Variants in ERBB4 observed in about 807,000 individuals in gnomAD.
ERBB4 encodes the protein erb-b2 receptor tyrosine kinase 4, also known as receptor tyrosine-protein kinase erbB-4.
A neutral mutation model predicts 158.0 loss-of-function variants in ERBB4; 42 were observed. The observed-to-expected ratio is 0.27, with a 90% CI of 0.21 to 0.34. The LOEUF is 0.34. Among genes scored for constraint, ERBB4 ranks in the 10% least tolerant of loss-of-function variants. The pLI, the probability that ERBB4 is intolerant of heterozygous loss-of-function variation, is 1.00. For missense variants in ERBB4, 1,333 were observed against 1,624.1 expected (o/e 0.82, Z 3.08); for synonymous variants, 583 against 558.7 (o/e 1.04, Z -0.61).
chr2:211,900,478 T>A (rs1375898283), intron 3 of ERBB4, among the ~76,000 whole-genome samples: 1 of 151,296 alleles, frequency 6.6e-6, no homozygotes, highest in Non-Finnish European at 1.5e-5. Context: ...AGTACAAACC[T>A]AGAAAAAAAA....
intron 1 of ERBB4, among the ~76,000 whole-genome samples, chr2:212,513,768 C>T (rs972442761): frequency 4.0e-5 from 6 of 151,624 alleles, no homozygotes; most frequent in Admixed American, 6.6e-5. Flanking sequence ...GCCAAGATCC[C>T]GCCACTGCAC....
chr2:212,418,965 A>G (rs2091725713), intron 1 of ERBB4, among the ~76,000 whole-genome samples: 1 of 151,978 alleles, frequency 6.6e-6, no homozygotes, highest in Non-Finnish European at 1.5e-5. Flanking sequence ...AAAGCTTCAA[A>G]GAAGCAGAGC....
chr2:212,166,032 G>T (rs2081336798), intron 1 of ERBB4, among the ~76,000 whole-genome samples: 3 of 151,642 alleles, frequency 2.0e-5, no homozygotes, highest in Non-Finnish European at 2.9e-5. Flanking sequence ...ATTTTAGAAA[G>T]TTGTGCTCTG....
At chr2:211,465,150 TTACA>T (rs1186396147) in intron 20 of ERBB4, among the ~76,000 whole-genome samples, 1 of 151,988 alleles carries the variant, frequency 6.6e-6, no homozygotes, top group Non-Finnish European at 1.5e-5. Context: ...CCCAGCGAGC[TTACA>T]TTCTTGAAAG....
At chr2:212,523,923 G>C (rs1379130407) in intron 1 of ERBB4, among the ~76,000 whole-genome samples, 1 of 151,940 alleles carries the variant, frequency 6.6e-6, no homozygotes, top group Non-Finnish European at 1.5e-5. Context: ...GAAACTCCTT[G>C]ATGGTGTTTA....
intron 1 of ERBB4, among the ~76,000 whole-genome samples, chr2:212,238,533 T>C (rs1197538116): frequency 2.0e-5 from 3 of 152,210 alleles, no homozygotes; most frequent in African/African-American, 4.8e-5. Flanking sequence ...GCCATCTTGC[T>C]AGCCACCTGC....
At chr2:211,865,792 T>A (rs2078190217) in intron 3 of ERBB4, among the ~76,000 whole-genome samples, 1 of 152,154 alleles carries the variant, frequency 6.6e-6, no homozygotes. Flanking sequence ...TAACCACAAG[T>A]CGTGCCAGTT....
chr2:212,281,899 G>A (rs758589682), intron 1 of ERBB4, among the ~76,000 whole-genome samples: 1 of 151,672 alleles, frequency 6.6e-6, no homozygotes, highest in Non-Finnish European at 1.5e-5. Flanking sequence ...AAAATCAATT[G>A]TCTAACCCAG....
At chr2:212,327,709 C>CT (rs1189950362) in intron 1 of ERBB4, among the ~76,000 whole-genome samples, 129 of 128,730 alleles carry the variant, frequency 1.0e-3, no homozygotes, top group East Asian at 4.6e-3. Flanking sequence ...TTTAACGATT[C>CT]TTTTTTTTTT....
chr2:211,500,466 T>C (rs1412279785), intron 20 of ERBB4, among the ~76,000 whole-genome samples: 1 of 152,112 alleles, frequency 6.6e-6, no homozygotes, highest in Non-Finnish European at 1.5e-5. Context: ...CTTTCATGTA[T>C]TAATAGGTTT....
chr2:211,513,344 CG>C (rs1228373490), intron 20 of ERBB4, among the ~76,000 whole-genome samples: 1 of 115,248 alleles, frequency 8.7e-6, no homozygotes, highest in Non-Finnish European at 1.6e-5. Context: ...GGCGACAGAG[CG>C]AGACTCCGTC....
intron 1 of ERBB4, among the ~76,000 whole-genome samples, chr2:212,435,682 A>C (rs961622196): frequency 6.6e-6 from 1 of 152,036 alleles, no homozygotes; most frequent in Non-Finnish European, 1.5e-5. Context: ...TTCTAGATGA[A>C]GTCTTTTCCA....
At chr2:212,211,629 A>ACC (rs148929858) in intron 1 of ERBB4, among the ~76,000 whole-genome samples, 1 of 148,490 alleles carries the variant, frequency 6.7e-6, no homozygotes, top group Non-Finnish European at 1.5e-5. Flanking sequence ...AAAAAAAAAA[A>ACC]TGGATACATG....
chr2:212,302,473 A>G lies in ERBB4; in HGVS notation c.83-177570T>C, dbSNP rs2086657697. 2.0e-5 allele frequency among the ~76,000 whole-genome samples: 3 copies of G among 151,510 alleles called. No homozygotes were observed. In the South Asian group the frequency reaches 6.2e-4, roughly 31 times the overall value. On this transcript the variant is annotated intron_variant, in intron 1 of 27. Coordinates refer to ENST00000342788, the MANE Select transcript of ERBB4 (RefSeq NM_005235.3). ...ATAACAGCTATTCTTCCACAACTGCATGTGTTTGAATTTACAAGCCATCAA... is the reference window on the plus strand; with the variant it reads ...ATAACAGCTATTCTTCCACAACTGCGTGTGTTTGAATTTACAAGCCATCAA...
At chr2:211,619,787 T>C (rs994666210) in intron 18 of ERBB4, among the ~76,000 whole-genome samples, 2 of 152,158 alleles carry the variant, frequency 1.3e-5, no homozygotes, top group African/African-American at 4.8e-5. Flanking sequence ...GATTGATTTA[T>C]GAATTAATTT....
intron 2 of ERBB4, among the ~76,000 whole-genome samples, chr2:211,976,728 C>T (rs2081618610): frequency 6.6e-6 from 1 of 151,840 alleles, no homozygotes; most frequent in Admixed American, 6.6e-5. Context: ...ATCAGTTGTA[C>T]AAAAAATCAT....
chr2:212,265,644 A>C (rs1017958993), intron 1 of ERBB4, among the ~76,000 whole-genome samples: 1 of 152,150 alleles, frequency 6.6e-6, no homozygotes, highest in Non-Finnish European at 1.5e-5. Context: ...CAATATACAG[A>C]TCCCAAAACT....
chr2:211,982,979 T>A (rs780325968), intron 2 of ERBB4, among the ~76,000 whole-genome samples: 1 of 152,228 alleles, frequency 6.6e-6, no homozygotes, highest in Non-Finnish European at 1.5e-5. Context: ...ATTTTTGACT[T>A]TTTAAAAATG....
At chr2:212,515,421 A>T (rs1233840163) in intron 1 of ERBB4, among the ~76,000 whole-genome samples, 2 of 152,126 alleles carry the variant, frequency 1.3e-5, no homozygotes, top group African/African-American at 2.4e-5. Context: ...TGTTAAATTT[A>T]AAAAAGATAT....
Sources: gnomAD v4.1 joint callset for allele counts (sites outside exome capture counted in the v4.1 genomes callset) on GRCh38, gnomAD v4.1.1 for gene constraint, MANE v1.5 for transcripts, NCBI Gene and HGNC (gene_info 2026-07-23, HGNC 2026-07-21) for gene names.